Variants in RP1 observed in about 807,000 individuals in gnomAD.
RP1 encodes the protein RP1 axonemal microtubule associated.
Under a neutral mutation model 14.8 loss-of-function variants are expected in RP1, and 16 were observed. The observed-to-expected ratio is 1.08, with a 90% CI of 0.73 to 1.65. RP1 has a LOEUF of 1.65. Among genes scored for constraint, RP1 ranks in the 40% most tolerant of loss-of-function variants. The pLI is 0.00. For missense variants in RP1, 2,631 were observed against 2,535.0 expected, an observed-to-expected ratio of 1.04 and a Z score of -0.81; for synonymous variants, 876 against 883.6, an observed-to-expected ratio of 0.99 and a Z score of 0.15.
intron 24 of RP1, among the ~76,000 whole-genome samples, chr8:54,819,531 T>C (rs148741627): frequency 1.7e-3 from 254 of 152,244 alleles, no homozygotes; most frequent in Non-Finnish European, 2.7e-3. Context: ...TAGATGATTG[T>C]TGACGTCTGG....
chr8:54,593,389 C>T (rs1397064099), intron 1 of RP1, among the ~76,000 whole-genome samples: 1 of 152,164 alleles, frequency 6.6e-6, no homozygotes, highest in Non-Finnish European at 1.5e-5. Context: ...GCATTATATT[C>T]TGCTACTAGT....
intron 25 of RP1, among the ~76,000 whole-genome samples, chr8:54,849,240 A>G (rs895686213): frequency 6.7e-6 from 1 of 149,528 alleles, no homozygotes; most frequent in Non-Finnish European, 1.5e-5. Context: ...AAAAAAAAAT[A>G]CCAGAAGTAC....
At chr8:54,770,481 A>C (rs1478759103), downstream of RP1, among the ~76,000 whole-genome samples, 2 of 151,284 alleles carry the variant, frequency 1.3e-5, no homozygotes, top group African/African-American at 4.8e-5. Context: ...TTTATTAACA[A>C]AAAATTGAGA....
downstream of RP1, among the ~76,000 whole-genome samples, chr8:54,773,048 G>A (rs78533240): frequency 2.7e-3 from 406 of 152,088 alleles, 2 homozygotes; most frequent in Middle Eastern, 0.014. Flanking sequence ...TTCACTAAGG[G>A]TGTATCCCCC....
chr8:54,850,940 T>C (rs7839099), intron 25 of RP1, among the ~76,000 whole-genome samples: 37,279 of 152,100 alleles, frequency 0.25, 5,241 homozygotes, highest in Middle Eastern at 0.45. Flanking sequence ...ATGTAACTCT[T>C]TTTGACTCGG....
At chr8:54,775,721 A>T (rs758294314) in intron 23 of RP1, among the ~76,000 whole-genome samples, 1 of 152,246 alleles carries the variant, frequency 6.6e-6, no homozygotes, top group African/African-American at 2.4e-5. Context: ...ATCAAGTTTT[A>T]GGATAGTTCG....
intron 23 of RP1, chr8:54,781,045 A>G: frequency 1.0e-6 from 1 of 984,650 alleles, no homozygotes; most frequent in Non-Finnish European, 1.2e-6. Flanking sequence ...AAGTATTTTT[A>G]ACACAAAAGG....
At chr8:54,683,785 T>G (rs1807488699) in intron 12 of RP1, among the ~76,000 whole-genome samples, 1 of 152,200 alleles carries the variant, frequency 6.6e-6, no homozygotes. Flanking sequence ...TTGCATACAC[T>G]TTATTTCCTC....
At chr8:54,790,825 T>A (rs1167148981) in intron 24 of RP1, among the ~76,000 whole-genome samples, 1 of 152,042 alleles carries the variant, frequency 6.6e-6, no homozygotes, top group Admixed American at 6.6e-5. Flanking sequence ...AAAATAATTT[T>A]AAAAAGCGAA....
At chr8:54,653,269 A>G (rs1483352970) in intron 5 of RP1, among the ~76,000 whole-genome samples, 2 of 152,208 alleles carry the variant, frequency 1.3e-5, no homozygotes, top group Admixed American at 1.3e-4. Flanking sequence ...TATTCATGCT[A>G]AGAAGGAAAA....
chr8:54,565,706 C>T (rs186601660), intron 1 of RP1, among the ~76,000 whole-genome samples: 50 of 152,096 alleles, frequency 3.3e-4, no homozygotes, highest in African/African-American at 1.2e-3. Context: ...GGGTGGAGAG[C>T]GGGGATTGGG....
At chr8:54,663,353 T>C (rs1036614597) in intron 6 of RP1, among the ~76,000 whole-genome samples, 1 of 152,190 alleles carries the variant, frequency 6.6e-6, no homozygotes, top group African/African-American at 2.4e-5. Flanking sequence ...GTGAAAGTTA[T>C]TGAATTGATA....
At chr8:54,577,671 T>A (rs928940927) in intron 1 of RP1, among the ~76,000 whole-genome samples, 1 of 152,222 alleles carries the variant, frequency 6.6e-6, no homozygotes, top group Non-Finnish European at 1.5e-5. Flanking sequence ...CATTTAATCC[T>A]CAAGATAATA....
chr8:54,846,690 C>T (rs1418502348), intron 25 of RP1, among the ~76,000 whole-genome samples: 1 of 152,016 alleles, frequency 6.6e-6, no homozygotes, highest in Non-Finnish European at 1.5e-5. Flanking sequence ...CTGACCAATT[C>T]AATATACTTT....
chr8:54,565,462 G>A (rs970190804), intron 1 of RP1, among the ~76,000 whole-genome samples: 5 of 152,202 alleles, frequency 3.3e-5, no homozygotes, highest in Non-Finnish European at 7.3e-5. Flanking sequence ...GTACTCAGGA[G>A]GCGAAGGCAG....
Position 54,795,204 on chromosome 8 carries a change from A to T in RP1, c.3615+11494A>T, listed in dbSNP as rs569444103. On this transcript the variant is annotated intron_variant, in intron 24 of 28. Coordinates refer to the RP1 transcript ENST00000637698. ...GAGAGGCCTATAAAATTAAAAATAG[A>T]GCTACCATATGATCTGCTTCTGTGT... 2.6e-5 allele frequency among the ~76,000 whole-genome samples: 4 copies of T among 152,182 alleles called. No individual in the cohort carries two copies. The South Asian group carries it at 8.3e-4, about 32-fold the overall frequency.
chr8:54,561,260 A>T (rs1804280405), intron 1 of RP1, among the ~76,000 whole-genome samples: 1 of 152,196 alleles, frequency 6.6e-6, no homozygotes, highest in Non-Finnish European at 1.5e-5. Flanking sequence ...ATGGCATAAT[A>T]CTTCCACAAA....
At chr8:54,576,260 G>A (rs1358043339) in intron 1 of RP1, among the ~76,000 whole-genome samples, 1 of 151,980 alleles carries the variant, frequency 6.6e-6, no homozygotes, top group African/African-American at 2.4e-5. Context: ...TAGCCAGGAT[G>A]AGTCTCGATC....
chr8:54,624,178 A>C (rs1805958225), intron 3 of RP1, among the ~76,000 whole-genome samples: 1 of 152,102 alleles, frequency 6.6e-6, no homozygotes, highest in African/African-American at 2.4e-5. Context: ...GTGGTGGCTC[A>C]AGCCTGTAAT....
Sources: gnomAD v4.1 joint callset for allele counts (sites outside exome capture counted in the v4.1 genomes callset) on GRCh38, gnomAD v4.1.1 for gene constraint, MANE v1.5 for transcripts, NCBI Gene and HGNC (gene_info 2026-07-23, HGNC 2026-07-21) for gene names.